B4GALT2: variants seen among roughly 807,000 people sequenced by gnomAD.
The protein encoded by B4GALT2 is beta-1,4-galactosyltransferase 2.
In B4GALT2, 18 loss-of-function variants were observed where a neutral mutation model predicts 33.2. That is an observed-to-expected ratio of 0.54 (90% confidence interval 0.38 to 0.80). The LOEUF (loss-of-function observed/expected upper bound fraction) is 0.80, where lower values mean the gene tolerates loss of function less well. Among genes scored for constraint, B4GALT2 ranks in the 30% least tolerant of loss-of-function variants. The pLI is 0.00. For missense variants in B4GALT2, 404 were observed against 526.2 expected, an observed-to-expected ratio of 0.77 and a Z score of 2.27; for synonymous variants, 214 against 217.6, an observed-to-expected ratio of 0.98 and a Z score of 0.15.
intron 1 of B4GALT2, chr1:43,980,295 A>G: frequency 2.4e-6 from 1 of 416,078 alleles, no homozygotes; most frequent in Non-Finnish European, 4.1e-6. Context: ...TCCAGGCCCA[A>G]GCATCCCGTT....
chr1:43,982,169 A>C lies in B4GALT2; in HGVS notation c.549+245A>C, dbSNP rs935439112. Among the ~76,000 whole-genome samples, 9 of 152,162 alleles carry C rather than the reference A, an allele frequency of 5.9e-5. No homozygotes were observed. The highest frequency in any genetic ancestry group is 2.1e-4 in the South Asian group (1 of 4,830). On this transcript the variant is annotated intron_variant, in intron 3 of 6. Transcript: ENST00000372324. The surrounding 1 kb of genome is among the most constrained non-coding windows in gnomAD (Gnocchi z 4.3). ...CTCTACCCTTGGCAGGCCTCACCCC[A>C]TGGTGGTGCAGGCCTTGGGTATGCT... is the stretch of plus-strand genomic sequence containing the variant.
chr1:43,981,006 G>A lies in B4GALT2; in HGVS notation c.-52-103G>A. ...TGAAAGGGTATGAGCAGGTCAGTGTGAGGTGTGGCCCACGAGTGTGAGCAG... is the reference window on the plus strand; with the variant it reads ...TGAAAGGGTATGAGCAGGTCAGTGTAAGGTGTGGCCCACGAGTGTGAGCAG... On this transcript the variant is annotated intron_variant, in intron 1 of 6. Transcript: ENST00000372324. This position sits in a 1 kb window ranked among gnomAD's most constrained non-coding sequence, Gnocchi z 8.1. 7.2e-7 allele frequency: 1 copy of A among 1,397,766 alleles called. No individual in the cohort carries two copies. The highest frequency in any genetic ancestry group is 9.4e-7 in the Non-Finnish European group (1 of 1,058,582). 86.6% of individuals were successfully genotyped at this position (1,397,766 alleles called of 1,614,324 possible).
At position 43,989,896 on chromosome 1, in the gene B4GALT2, C is replaced by T. The variant is rs142320659; in HGVS notation, c.969-402C>T. On this transcript the variant is annotated intron_variant, in intron 6 of 6. Coordinates refer to ENST00000372324, the MANE Select transcript of B4GALT2 (RefSeq NM_003780.5). ...GTTTTAATATTGGTTATCTCAAGTC[C>T]TGTACTTGTTTAGCTGCTACAGAAA... is the stretch of plus-strand genomic sequence containing the variant. 4.6e-5 allele frequency among the ~76,000 whole-genome samples: 7 copies of T among 152,284 alleles called. No individual in the cohort carries two copies. The East Asian group carries it at 1.2e-3, about 25-fold the overall frequency.
In B4GALT2 at chr1:43,990,473, G is replaced by A. The variant is rs568146695; in HGVS notation, c.*25G>A. The A allele has an allele frequency of 3.1e-6, 5 of 1,613,296 alleles. No individual in the cohort carries two copies. The highest frequency in any genetic ancestry group is 1.7e-4 in the Middle Eastern group (1 of 5,800). On this transcript the variant is annotated 3_prime_UTR_variant, in exon 7 of 7. Coordinates refer to ENST00000372324, the MANE Select transcript of B4GALT2 (RefSeq NM_003780.5). ...ACACTAATGGACAGAGGCTCTCGGT[G>A]CCGAAGATTGCCTGCCAGAGGACTG... is the stretch of plus-strand genomic sequence containing the variant.
Position 43,982,336 on chromosome 1 carries a change from C to T in B4GALT2, c.549+412C>T, listed in dbSNP as rs1158996758. On this transcript the variant is annotated intron_variant, in intron 3 of 6. Transcript: ENST00000372324. This position sits in a 1 kb window ranked among gnomAD's most constrained non-coding sequence, Gnocchi z 4.3. ...CAGCATCTTAAGGCCTTTGGTGGAC[C>T]TGGCTAGGGCTGGCCACTAGGTCCC... Among the ~76,000 whole-genome samples, 1 of 152,168 alleles carries T rather than the reference C, an allele frequency of 6.6e-6. No homozygotes were observed. The highest frequency in any genetic ancestry group is 1.5e-5 in the Non-Finnish European group (1 of 68,014).
At chr1:43,988,356 C>CAAA (rs59935883) in intron 6 of B4GALT2, among the ~76,000 whole-genome samples, 8 of 73,730 alleles carry the variant, frequency 1.1e-4, no homozygotes, top group South Asian at 4.6e-4. Flanking sequence ...ACCAAAAATA[C>CAAA]AAAAAAAAAA....
intron 1 of B4GALT2, chr1:43,980,474 C>T (rs192081022): frequency 1.8e-5 from 16 of 882,674 alleles, no homozygotes; most frequent in Middle Eastern, 5.7e-4. Flanking sequence ...ATTTGGGCCC[C>T]CCGGATGCTG....
chr1:43,981,046 G>A lies in B4GALT2; in HGVS notation c.-52-63G>A. ...AGTGTGAGCAGCTGAGTGGGAGGTA[G>A]GTGGGCAGCCTTGCCTGTCCTGCCC... is the stretch of plus-strand genomic sequence containing the variant. On this transcript the variant is annotated intron_variant, in intron 1 of 6. Coordinates refer to ENST00000372324, the MANE Select transcript of B4GALT2 (RefSeq NM_003780.5). This position sits in a 1 kb window ranked among gnomAD's most constrained non-coding sequence, Gnocchi z 8.1. The A allele has an allele frequency of 6.8e-7, 1 of 1,468,394 alleles. No homozygotes were observed. The highest frequency in any genetic ancestry group is 2.2e-5 in the Admixed American group (1 of 44,996). The allele number at this position is 1,468,394 out of a possible 1,614,324, so 91.0% of individuals were successfully genotyped here. A position where few individuals can be genotyped will look rare whatever the true frequency, so the allele number is the denominator to read the frequency against.
intron 6 of B4GALT2, among the ~76,000 whole-genome samples, chr1:43,990,078 C>G (rs1326588268): frequency 6.6e-6 from 1 of 152,130 alleles, no homozygotes; most frequent in African/African-American, 2.4e-5. Flanking sequence ...TCTGCTTTGA[C>G]GTTAATGCTG....
At chr1:43,980,972 CTGTG>C (rs2085587185) in intron 1 of B4GALT2, 133 bp from the exon 2 acceptor site, 2 of 1,232,528 alleles carry the variant, frequency 1.6e-6, no homozygotes, top group Admixed American at 5.8e-5. Flanking sequence ...ATTCTTGAGT[CTGTG>C]AGTGTGAAAG....
rs757329383 is a variant in B4GALT2 at position 43,980,196 on chromosome 1, C to T, written c.-53+685C>T. The T allele has an allele frequency of 5.2e-5, 45 of 869,672 alleles. No individual in the cohort carries two copies. In the South Asian group the frequency reaches 8.9e-4, roughly 17 times the overall value. The allele number at this position is 869,672 out of a possible 1,614,324, so 53.9% of individuals were successfully genotyped here. On this transcript the variant is annotated intron_variant, in intron 1 of 6. Transcript: ENST00000372324. ...CTCACCCTGCTCCCTGAAGCACTGC[C>T]AGAAGTGGCTGCCGCTCTCTTGGAA...
chr1:43,980,012 A>G (rs1330323178), intron 1 of B4GALT2: 5 of 1,521,386 alleles, frequency 3.3e-6, no homozygotes, highest in Non-Finnish European at 4.4e-6. Flanking sequence ...GTCTGGATGT[A>G]TGGCTGTGGA....
chr1:43,981,837 G>A lies in B4GALT2; in HGVS notation c.462G>A (p.Arg154=), dbSNP rs200823220. Residue 154 remains arginine (R), a synonymous_variant, in exon 3 of 7, where the codon CGG becomes CGA. Coordinates refer to ENST00000372324, the MANE Select transcript of B4GALT2 (RefSeq NM_003780.5). The surrounding 1 kb of genome is among the most constrained non-coding windows in gnomAD (Gnocchi z 8.1). ...CGGTCATCATCCCCTTTAGACACCGGGAACACCACCTGCGCTACTGGCTCC... is the reference window on the plus strand; with the variant it reads ...CGGTCATCATCCCCTTTAGACACCGAGAACACCACCTGCGCTACTGGCTCC... The part of the protein sequence containing the change: ...TVAVIIPFRH[R]EHHLRYWLHY... The A allele has an allele frequency of 5.0e-6, 8 of 1,613,918 alleles. No homozygotes were observed. Among genetic ancestry groups the A allele is most frequent in the East Asian group, 4.5e-5 (2 of 44,880 alleles).
chr1:43,980,043 G>C, intron 1 of B4GALT2: 1 of 1,515,322 alleles, frequency 6.6e-7, no homozygotes, highest in Non-Finnish European at 8.8e-7. Context: ...CAGTGGCCTT[G>C]TTTGTGAGTG....
chr1:43,981,267 C>T lies in B4GALT2; in HGVS notation c.107C>T (p.Ala36Val), dbSNP rs1435149648. 5.6e-6 allele frequency: 9 copies of T among 1,606,810 alleles called. No individual in the cohort carries two copies. Among genetic ancestry groups the T allele is most frequent in the Non-Finnish European group, 5.1e-6 (6 of 1,179,898 alleles). The change falls in exon 2 of 7, where the codon GCC becomes GTC. Residue 36 changes from alanine (A) to valine (V), a missense_variant. Physicochemically the swap from Ala to Val is moderately conservative, Grantham distance 64. Coordinates refer to ENST00000372324, the MANE Select transcript of B4GALT2 (RefSeq NM_003780.5). The surrounding 1 kb of genome is among the most constrained non-coding windows in gnomAD (Gnocchi z 8.1). ...VAVILYFDVYAQHLAFFSRFS... is the reference protein window; with the variant it reads ...VAVILYFDVYVQHLAFFSRFS... ...GTCATCCTCTACTTTGACGTCTACG[C>T]CCAGCACCTGGCCTTCTTCAGCCGC...
intron 6 of B4GALT2, among the ~76,000 whole-genome samples, chr1:43,989,585 A>G (rs1368239949): frequency 1.3e-5 from 2 of 152,224 alleles, no homozygotes; most frequent in South Asian, 2.1e-4. Flanking sequence ...CATGCATGTT[A>G]TATACCATCC....
Position 43,981,619 on chromosome 1 carries a change from G to T in B4GALT2, c.314-70G>T. 1 of 1,541,696 alleles carries T rather than the reference G, an allele frequency of 6.5e-7. No individual in the cohort carries two copies. The highest frequency in any genetic ancestry group is 8.8e-7 in the Non-Finnish European group (1 of 1,138,288). ...TTGGGGTTCCCTAGCCCACCCCCAG[G>T]CTGAGGGTGGGGGCTGGTATCTGTG... On this transcript the variant is annotated intron_variant, in intron 2 of 6. Transcript: ENST00000372324. This position sits in a 1 kb window ranked among gnomAD's most constrained non-coding sequence, Gnocchi z 8.1.
intron 3 of B4GALT2, among the ~76,000 whole-genome samples, chr1:43,983,675 G>A (rs1018276666): frequency 1.3e-5 from 2 of 152,252 alleles, no homozygotes; most frequent in African/African-American, 4.8e-5. Context: ...GTGGTGGCTG[G>A]AGGGAGGTTT....
chr1:43,988,147 C>T (rs920422062), intron 6 of B4GALT2, among the ~76,000 whole-genome samples: 6 of 151,992 alleles, frequency 3.9e-5, no homozygotes, highest in African/African-American at 1.2e-4. Context: ...ATGGCACAGG[C>T]GTGGGGAGTA....
Sources: allele counts gnomAD v4.1 joint callset (sites outside exome capture counted in the v4.1 genomes callset), GRCh38; gene constraint gnomAD v4.1.1; non-coding constraint Gnocchi (gnomAD v3.1); transcripts MANE v1.5; gene names NCBI Gene and HGNC (gene_info 2026-07-23, HGNC 2026-07-21).